Variants in PROM1 observed in about 807,000 individuals in gnomAD.
PROM1 encodes prominin 1, also known as prominin-1.
Under a neutral mutation model 116.9 loss-of-function variants are expected in PROM1, and 105 were observed. That is an observed-to-expected ratio of 0.90 (90% CI 0.77 to 1.06). The LOEUF is 1.06. PROM1 is among the 50% of genes least tolerant of loss of function. The pLI, the probability that PROM1 is intolerant of heterozygous loss-of-function variation, is 0.00. For synonymous variants in PROM1, 393 were observed against 387.0 expected (o/e 1.02, Z -0.18); for missense variants, 1,122 against 1,045.2 (o/e 1.07, Z -1.01).
rs1249023830 is a variant in PROM1 at position 15,993,978 on chromosome 4, T to C, written c.1767+9A>G. 2.5e-6 allele frequency: 4 copies of C among 1,612,100 alleles called. No individual in the cohort carries two copies. Among genetic ancestry groups the C allele is most frequent in the Non-Finnish European group, 3.4e-6 (4 of 1,178,448 alleles). On this transcript the variant is annotated intron_variant, in intron 16 of 27. Coordinates refer to ENST00000447510, the MANE Select transcript of PROM1 (RefSeq NM_006017.3). ...GTGTTATGTCGATTCCATGACGAGTTCTAATTACCTCATTAATGTTGAGAT... is the reference window on the plus strand; with the variant it reads ...GTGTTATGTCGATTCCATGACGAGTCCTAATTACCTCATTAATGTTGAGAT...
intron 5 of PROM1, among the ~76,000 whole-genome samples, chr4:16,027,188 G>C (rs1048372085): frequency 7.2e-5 from 11 of 152,028 alleles, no homozygotes; most frequent in Admixed American, 4.6e-4. Context: ...AATTTGCATT[G>C]GTATTTTGGG....
chr4:16,083,823 G>A (rs1235700072), intron 1 of PROM1, 155 bp downstream of exon 1: 1 of 152,176 alleles, frequency 6.6e-6, no homozygotes, highest in African/African-American at 2.4e-5. Flanking sequence ...GGCCGCGGAG[G>A]GGCTCAGGCG....
chr4:16,035,891 A>G (rs1279376228), intron 3 of PROM1, 130 bp from the exon 4 acceptor site: 2 of 838,018 alleles, frequency 2.4e-6, no homozygotes, highest in Non-Finnish European at 4.0e-6. Context: ...ATTGGGTGAT[A>G]GAAGGATAAA....
At chr4:16,080,970 C>T (rs950919031) in intron 1 of PROM1, among the ~76,000 whole-genome samples, 36 of 152,068 alleles carry the variant, frequency 2.4e-4, no homozygotes, top group Admixed American at 1.4e-3. Flanking sequence ...GCCTGGCTAG[C>T]CAGCCTTGCT....
intron 2 of PROM1, among the ~76,000 whole-genome samples, chr4:16,066,125 G>A (rs1303789091): frequency 6.6e-6 from 1 of 152,148 alleles, no homozygotes; most frequent in African/African-American, 2.4e-5. Context: ...TAGACTTCCT[G>A]CCTACAGAAC....
rs1366457414 is a variant in PROM1 at position 16,033,440 on chromosome 4, G to A, written c.373C>T (p.Leu125=). ...LGLLFIILMP[L]VGYFFCMCRC... The stretch of plus-strand genomic sequence containing the variant: ...CACATACAAAAGAAATACCCCACCA[G>A]AGGCATCAGAATAATAAACAGCAGC... The change falls in exon 5 of 28, where the codon CTG becomes TTG. Residue 125 remains leucine, a synonymous_variant. Coordinates refer to ENST00000447510, the MANE Select transcript of PROM1 (RefSeq NM_006017.3). The A allele has an allele frequency of 6.8e-6, 11 of 1,613,478 alleles. No individual in the cohort carries two copies. The highest frequency in any genetic ancestry group is 1.7e-5 in the Admixed American group (1 of 59,958).
At chr4:15,991,058 G>A (rs559599131) in intron 18 of PROM1, among the ~76,000 whole-genome samples, 164 bp downstream of exon 18, 18 of 152,306 alleles carry the variant, frequency 1.2e-4, no homozygotes, top group Admixed American at 3.9e-4. Flanking sequence ...TGGGACACAT[G>A]GCAATGGCTG....
At chr4:15,982,896 C>G (rs1416250251) in intron 23 of PROM1, among the ~76,000 whole-genome samples, 1 of 152,158 alleles carries the variant, frequency 6.6e-6, no homozygotes, top group East Asian at 1.9e-4. Flanking sequence ...ATGAAAGACC[C>G]TCCAGCAGAC....
intron 13 of PROM1, chr4:16,003,468 A>G (rs1577962041): frequency 6.6e-6 from 3 of 453,408 alleles, no homozygotes; most frequent in East Asian, 7.0e-5. Context: ...AGCCATAGGA[A>G]TGTGCCCAGT....
At chr4:16,006,779 G>A (rs978902491) in intron 12 of PROM1, 89 bp from the exon 13 acceptor site, 23 of 1,313,080 alleles carry the variant, frequency 1.8e-5, no homozygotes, top group Admixed American at 1.5e-4. Context: ...GAGCCGATGA[G>A]TTATTCTTGG....
chr4:16,024,217 C>T (rs1338916643), intron 7 of PROM1, 78 bp downstream of exon 7: 18 of 1,298,612 alleles, frequency 1.4e-5, no homozygotes, highest in Non-Finnish European at 2.0e-5. Context: ...TCACGTACGT[C>T]ATTTCTTAGT....
At chr4:16,073,138 C>G (rs528414291) in intron 2 of PROM1, among the ~76,000 whole-genome samples, 1 of 152,128 alleles carries the variant, frequency 6.6e-6, no homozygotes, top group East Asian at 1.9e-4. Context: ...ATTGATATAT[C>G]GGCTGTATCT....
rs182489296 is a variant in PROM1, at chr4:15,971,175, A to C, written c.2583-93T>G. 3 of 1,087,316 alleles carry C rather than the reference A, an allele frequency of 2.8e-6. No homozygotes were observed. The African/African-American group carries it at 4.7e-5, about 17-fold the overall frequency. 67.4% of individuals were successfully genotyped at this position (1,087,316 alleles called of 1,614,324 possible). On this transcript the variant is annotated intron_variant, in intron 26 of 27. Transcript: ENST00000447510. ...TGCTAAGAAGCAGGCATGTGACTAA[A>C]GGTACAGACGAATATAAACCACACC... is the stretch of plus-strand genomic sequence containing the variant.
rs770569204 is a variant in PROM1, at chr4:15,980,346, C to T, written c.2489+76G>A. The T allele has an allele frequency of 2.3e-5, 21 of 902,484 alleles. No individual in the cohort carries two copies. In the African/African-American group the frequency reaches 2.5e-4, roughly 11 times the overall value. The allele number at this position is 902,484 out of a possible 1,614,324, so 55.9% of individuals were successfully genotyped here. On this transcript the variant is annotated intron_variant, in intron 24 of 27. Transcript: ENST00000447510. The stretch of plus-strand genomic sequence containing the variant: ...GAAATCAACTTTAACCTCATCAGAA[C>T]TCATCTTTAGCAACTCTTTGAAGAC...
At chr4:15,988,519 C>T (rs1560414683) in intron 19 of PROM1, among the ~76,000 whole-genome samples, 1 of 152,192 alleles carries the variant, frequency 6.6e-6, no homozygotes, top group Non-Finnish European at 1.5e-5. Context: ...TATTCCAATA[C>T]AATTTTATTT....
chr4:15,988,856 G>GA (rs1560415492), intron 19 of PROM1, among the ~76,000 whole-genome samples: 1 of 152,050 alleles, frequency 6.6e-6, no homozygotes, highest in African/African-American at 2.4e-5. Context: ...AATCGAGAGA[G>GA]AAAAAAAGAG....
intron 5 of PROM1, among the ~76,000 whole-genome samples, chr4:16,026,371 G>T (rs1578104815): frequency 6.6e-6 from 1 of 152,062 alleles, no homozygotes; most frequent in Non-Finnish European, 1.5e-5. Flanking sequence ...TGGCAGTAAG[G>T]AACTACATAA....
At chr4:16,022,286 T>C (rs1032323241) in intron 8 of PROM1, among the ~76,000 whole-genome samples, 40 of 151,646 alleles carry the variant, frequency 2.6e-4, no homozygotes, top group Admixed American at 1.4e-3. Flanking sequence ...GGAAAGAAAA[T>C]GGTTGGTAAT....
intron 12 of PROM1, 90 bp downstream of exon 12, chr4:16,008,859 A>G (rs1726154534): frequency 7.7e-7 from 1 of 1,293,370 alleles, no homozygotes; most frequent in Non-Finnish European, 1.1e-6. Flanking sequence ...ATTTGCTCTC[A>G]TAAGATTATC....
Sources: allele counts gnomAD v4.1 joint callset (sites outside exome capture counted in the v4.1 genomes callset), GRCh38; gene constraint gnomAD v4.1.1; transcripts MANE v1.5; gene names NCBI Gene and HGNC (gene_info 2026-07-23, HGNC 2026-07-21).